The following IKZF3 variants were observed in gnomAD, a reference collection of about 807,000 sequenced individuals.
The protein encoded by IKZF3 is IKAROS family zinc finger 3, also known as zinc finger protein Aiolos.
A neutral mutation model predicts 49.0 loss-of-function variants in IKZF3; 10 were observed. The ratio of observed to expected loss-of-function variants is 0.20; its 90% CI spans 0.13 to 0.35. The LOEUF (loss-of-function observed/expected upper bound fraction) is 0.35. IKZF3 is among the 10% of genes least tolerant of loss of function. The probability of loss-of-function intolerance (pLI) is 1.00; values close to 1 mark genes in which losing one functional copy is unlikely to be tolerated. For missense variants in IKZF3, 498 were observed against 664.8 expected, an observed-to-expected ratio of 0.75 and a Z score of 2.76; for synonymous variants, 209 against 228.2, an observed-to-expected ratio of 0.92 and a Z score of 0.76.
At chr17:39,848,697 T>C (rs1173282832) in intron 1 of IKZF3, among the ~76,000 whole-genome samples, 2 of 152,130 alleles carry the variant, frequency 1.3e-5, no homozygotes, top group Non-Finnish European at 2.9e-5. Context: ...CTTTTTTTCT[T>C]AGAGACAGGG....
At chr17:39,846,914 T>A (rs2062649446) in intron 1 of IKZF3, among the ~76,000 whole-genome samples, 1 of 152,052 alleles carries the variant, frequency 6.6e-6, no homozygotes. Context: ...GTATTGAGTT[T>A]GCCAGCTGTC....
In IKZF3 at chr17:39,829,392, ATG is replaced by A; in HGVS notation, c.156_157del (p.Ile53ArgfsTer3). 6.2e-7 allele frequency: 1 copy of A among 1,610,534 alleles called. No homozygotes were observed. Among genetic ancestry groups the A allele is most frequent in the Non-Finnish European group, 8.5e-7 (1 of 1,176,842 alleles). On this transcript the variant is annotated frameshift_variant, in exon 3 of 8. Coordinates refer to ENST00000346872, the MANE Select transcript of IKZF3 (RefSeq NM_012481.5). LOFTEE classifies it high-confidence loss of function. ...GTCTGCACACTACGGCTCACCTCCTATGTCTTCATCTTCATTGGCTGGGCCTT... is the reference window on the plus strand; with the variant it reads ...GTCTGCACACTACGGCTCACCTCCTATCTTCATCTTCATTGGCTGGGCCTT...
chr17:39,792,729 C>T lies in IKZF3; in HGVS notation c.368G>A (p.Cys123Tyr). ...ATTGAAGCTGATGCAGGATAATCCA[C>T]ACACATCGCAGTTCATCTTTCCACT... The part of the protein sequence containing the change: ...PTSGKMNCDV[C>Y]GLSCISFNVL... Residue 123 changes from cysteine to tyrosine, a missense_variant, in exon 4 of 8, where the codon TGT becomes TAT. Coordinates refer to ENST00000346872, the MANE Select transcript of IKZF3 (RefSeq NM_012481.5). 3 of 1,614,190 alleles carry T rather than the reference C, an allele frequency of 1.9e-6. No homozygotes were observed. Among genetic ancestry groups the T allele is most frequent in the Non-Finnish European group, 2.5e-6 (3 of 1,180,002 alleles).
intron 7 of IKZF3, among the ~76,000 whole-genome samples, chr17:39,774,655 T>C (rs1360789528): frequency 1.3e-5 from 2 of 152,198 alleles, no homozygotes; most frequent in African/African-American, 4.8e-5. Context: ...TATAAGTTAA[T>C]GCAAGAAGAT....
intron 1 of IKZF3, among the ~76,000 whole-genome samples, chr17:39,834,558 G>T (rs191544974): frequency 1.3e-5 from 2 of 152,312 alleles, no homozygotes; most frequent in Non-Finnish European, 2.9e-5. Flanking sequence ...TAGCTAACTT[G>T]TTATTGAAGT....
intron 1 of IKZF3, among the ~76,000 whole-genome samples, chr17:39,834,680 T>C (rs943834298): frequency 5.9e-5 from 9 of 152,196 alleles, no homozygotes; most frequent in Non-Finnish European, 1.0e-4. Context: ...GAGACATATG[T>C]ATGTTCTGGT....
At chr17:39,772,808 GT>G (rs530013330) in intron 7 of IKZF3, among the ~76,000 whole-genome samples, 109 of 152,136 alleles carry the variant, frequency 7.2e-4, no homozygotes, top group African/African-American at 2.5e-3. Context: ...TTCTTCAAGG[GT>G]TTTTTTCCTC....
chr17:39,820,280 G>A (rs1412063832), intron 3 of IKZF3, among the ~76,000 whole-genome samples: 1 of 152,174 alleles, frequency 6.6e-6, no homozygotes, highest in Admixed American at 6.5e-5. Context: ...TGACATTTAA[G>A]ATGAGATCTG....
chr17:39,802,088 G>T (rs1479809589), intron 3 of IKZF3, among the ~76,000 whole-genome samples: 2 of 151,798 alleles, frequency 1.3e-5, no homozygotes, highest in African/African-American at 2.4e-5. Flanking sequence ...CGGGCATGGT[G>T]ACGGGCACCT....
intron 1 of IKZF3, among the ~76,000 whole-genome samples, chr17:39,863,740 T>C (rs2063280841): frequency 6.6e-6 from 1 of 152,138 alleles, no homozygotes; most frequent in Admixed American, 6.5e-5. Context: ...GTTACTCAGA[T>C]TAGTCTAATT....
chr17:39,800,666 C>T (rs1197521938), intron 3 of IKZF3, among the ~76,000 whole-genome samples: 1 of 152,046 alleles, frequency 6.6e-6, no homozygotes, highest in East Asian at 1.9e-4. Context: ...ACACACACAC[C>T]CCAGAGAGAA....
At chr17:39,828,259 G>A (rs2062010000) in intron 3 of IKZF3, among the ~76,000 whole-genome samples, 1 of 152,192 alleles carries the variant, frequency 6.6e-6, no homozygotes, top group Non-Finnish European at 1.5e-5. Context: ...AACATTGAAT[G>A]CAGATGTATT....
chr17:39,861,528 G>A (rs1177213252), intron 1 of IKZF3, among the ~76,000 whole-genome samples: 4 of 152,232 alleles, frequency 2.6e-5, no homozygotes, highest in Admixed American at 6.5e-5. Flanking sequence ...AGGACGCCAC[G>A]GCCTTTCTGT....
At chr17:39,796,542 CT>C (rs1224946640) in intron 3 of IKZF3, among the ~76,000 whole-genome samples, 201 of 134,952 alleles carry the variant, frequency 1.5e-3, no homozygotes, top group Non-Finnish European at 1.7e-3. Flanking sequence ...ACATTCCTTT[CT>C]TTTTTTTTTT....
At chr17:39,813,015 T>C (rs1435297546) in intron 3 of IKZF3, among the ~76,000 whole-genome samples, 5 of 151,936 alleles carry the variant, frequency 3.3e-5, no homozygotes, top group Admixed American at 2.6e-4. Context: ...GGTGGAAGAA[T>C]GGCGTGAACC....
chr17:39,829,362 G>A lies in IKZF3; in HGVS notation c.163+25C>T, dbSNP rs774289286. On this transcript the variant is annotated intron_variant, in intron 3 of 7. Transcript: ENST00000346872. The stretch of plus-strand genomic sequence containing the variant: ...CTAAGCAATATCTACAGGCATCAGT[G>A]TTTAGTCTGCACACTACGGCTCACC... The A allele has an allele frequency of 8.2e-5, 124 of 1,514,708 alleles. No homozygotes were observed. The East Asian group carries it at 2.8e-3, about 34-fold the overall frequency. 93.8% of individuals were successfully genotyped at this position (1,514,708 alleles called of 1,614,324 possible).
At chr17:39,827,498 A>G (rs890853801) in intron 3 of IKZF3, among the ~76,000 whole-genome samples, 3 of 150,560 alleles carry the variant, frequency 2.0e-5, no homozygotes, top group Non-Finnish European at 3.0e-5. Context: ...TATAGAGATG[A>G]GGCCTCACCA....
chr17:39,863,670 G>A (rs2063277950), intron 1 of IKZF3, among the ~76,000 whole-genome samples: 1 of 152,190 alleles, frequency 6.6e-6, no homozygotes, highest in African/African-American at 2.4e-5. Flanking sequence ...AACTGCAAAT[G>A]CCAACCGCTT....
intron 1 of IKZF3, among the ~76,000 whole-genome samples, chr17:39,863,741 T>A (rs1290327777): frequency 6.6e-6 from 1 of 152,148 alleles, no homozygotes; most frequent in Non-Finnish European, 1.5e-5. Context: ...TTACTCAGAT[T>A]AGTCTAATTC....
Sources: gnomAD v4.1 joint callset for allele counts (sites outside exome capture counted in the v4.1 genomes callset) on GRCh38, gnomAD v4.1.1 for gene constraint, MANE v1.5 for transcripts, NCBI Gene and HGNC (gene_info 2026-07-23, HGNC 2026-07-21) for gene names.